The following SPECC1 variants were observed in gnomAD, a reference collection of about 807,000 sequenced individuals.
SPECC1 encodes cytospin-B.
A neutral mutation model predicts 104.1 loss-of-function variants in SPECC1; 62 were observed. The observed-to-expected ratio is 0.60, with a 90% CI of 0.49 to 0.74. The LOEUF is 0.74. Ranked by LOEUF, SPECC1 falls within the 30% of genes least tolerant of loss-of-function variation. SPECC1 has a pLI of 0.00. For missense variants in SPECC1, 1,306 were observed against 1,310.5 expected (o/e 1.00, Z 0.05); for synonymous variants, 513 against 501.6 (o/e 1.02, Z -0.30).
At chr17:20,019,385 G>GA (rs896383189) in intron 1 of SPECC1, among the ~76,000 whole-genome samples, 1 of 152,022 alleles carries the variant, frequency 6.6e-6, no homozygotes, top group Non-Finnish European at 1.5e-5. Context: ...AGATGGTCAT[G>GA]AATTTTTTTG....
chr17:20,159,060 C>T (rs1322678165), intron 3 of SPECC1, among the ~76,000 whole-genome samples: 1 of 151,648 alleles, frequency 6.6e-6, no homozygotes, highest in Non-Finnish European at 1.5e-5. Context: ...TGGGTTAAAG[C>T]GATCCTCCCG....
chr17:20,303,798 C>A (rs973881607), intron 13 of SPECC1, among the ~76,000 whole-genome samples: 1 of 151,836 alleles, frequency 6.6e-6, no homozygotes. Context: ...ACTAAAAATA[C>A]AAAAATTAGC....
Position 20,060,199 on chromosome 17 carries a change from C to T in SPECC1, c.-21-36432C>T, listed in dbSNP as rs1003291864. 2.0e-5 allele frequency among the ~76,000 whole-genome samples: 3 copies of T among 152,062 alleles called. No homozygotes were observed. In the South Asian group the frequency reaches 6.2e-4, roughly 32 times the overall value. On this transcript the variant is annotated intron_variant, in intron 1 of 14. Transcript: ENST00000395527. ...ACGCCTCTATAGTTGTGGTCTTTTC[C>T]TTTTGGTAATGAAGTGCATCAGTTT...
intron 12 of SPECC1, among the ~76,000 whole-genome samples, chr17:20,294,938 C>T (rs1159828995): frequency 6.6e-6 from 1 of 152,086 alleles, no homozygotes; most frequent in Admixed American, 6.5e-5. Flanking sequence ...GGTACCAAAA[C>T]AAAATGTACT....
chr17:20,037,988 G>C (rs1956532890), intron 1 of SPECC1, among the ~76,000 whole-genome samples: 1 of 152,064 alleles, frequency 6.6e-6, no homozygotes, highest in African/African-American at 2.4e-5. Context: ...TGGGTGAGTT[G>C]TGGTAATTTG....
chr17:20,232,151 A>C (rs567396609), intron 6 of SPECC1, 49 bp from the exon 7 acceptor site: 27 of 1,599,522 alleles, frequency 1.7e-5, no homozygotes, highest in Admixed American at 3.3e-5. Context: ...CTGCCCAGGC[A>C]CTGGCCCTGG....
At chr17:20,020,368 C>T (rs2044326117) in intron 1 of SPECC1, among the ~76,000 whole-genome samples, 1 of 151,636 alleles carries the variant, frequency 6.6e-6, no homozygotes, top group Non-Finnish European at 1.5e-5. Context: ...CAGAGTCTTA[C>T]TCTGTCACCC....
Position 20,313,977 on chromosome 17 carries a change from A to G in SPECC1, c.3119A>G (p.Glu1040Gly). Reference sequence around the variant, plus strand: ...GTCCCCCATTCCCTTCCCCTGCAGGAACTCAGCGAGATGCTGTACACAGAC... The same window carrying G: ...GTCCCCCATTCCCTTCCCCTGCAGGGACTCAGCGAGATGCTGTACACAGAC... The part of the protein sequence containing the change: ...AESVGIKPSL[E>G]LSEMLYTDRP... The change falls in exon 15 of 15, where the codon GAA (glutamate) becomes GGA (glycine). Residue 1040 changes from glutamate to glycine, a missense_variant and splice_region_variant. Glu to Gly is a moderately conservative substitution (Grantham distance 98). Transcript: ENST00000395527. 6.2e-7 allele frequency: 1 copy of G among 1,614,098 alleles called. No homozygotes were observed. Among genetic ancestry groups the G allele is most frequent in the Non-Finnish European group, 8.5e-7 (1 of 1,179,996 alleles).
intron 2 of SPECC1, among the ~76,000 whole-genome samples, chr17:20,109,567 C>T (rs185489776): frequency 6.6e-6 from 1 of 152,308 alleles, no homozygotes; most frequent in East Asian, 1.9e-4. Flanking sequence ...AAAGCAAAGC[C>T]AGAACAGAGG....
chr17:20,082,292 C>G (rs2047004825), intron 1 of SPECC1, among the ~76,000 whole-genome samples: 1 of 152,122 alleles, frequency 6.6e-6, no homozygotes, highest in African/African-American at 2.4e-5. Context: ...AGGTCTTAAA[C>G]AAAAGACATT....
At chr17:20,273,944 G>A (rs900635838) in intron 12 of SPECC1, among the ~76,000 whole-genome samples, 4 of 152,158 alleles carry the variant, frequency 2.6e-5, no homozygotes, top group Admixed American at 1.3e-4. Context: ...ACGAGGGGGT[G>A]AGATTGTGAA....
Position 20,260,178 on chromosome 17 carries a change from T to C in SPECC1, c.2838-14T>C, listed in dbSNP as rs779768407. 1.1e-5 allele frequency: 18 copies of C among 1,606,592 alleles called. No homozygotes were observed. Among genetic ancestry groups the C allele is most frequent in the Non-Finnish European group, 1.0e-5 (12 of 1,174,858 alleles). Reference sequence around the variant, plus strand: ...AGCATCTTCTCCTTACCATGTGCTCTTCTTTCTAACCAGTGTGGAAAGAAA... The same window carrying C: ...AGCATCTTCTCCTTACCATGTGCTCCTCTTTCTAACCAGTGTGGAAAGAAA... On this transcript the variant is annotated splice_polypyrimidine_tract_variant and intron_variant, in intron 11 of 14. Coordinates refer to ENST00000395527, the MANE Select transcript of SPECC1 (RefSeq NM_001243439.2).
At chr17:20,140,012 C>G (rs2030568835) in intron 3 of SPECC1, among the ~76,000 whole-genome samples, 1 of 152,098 alleles carries the variant, frequency 6.6e-6, no homozygotes, top group Non-Finnish European at 1.5e-5. Flanking sequence ...CTGACTTCAC[C>G]CAACACAGCA....
chr17:20,022,806 C>A (rs1452546345), intron 1 of SPECC1, among the ~76,000 whole-genome samples: 1 of 152,160 alleles, frequency 6.6e-6, no homozygotes, highest in Non-Finnish European at 1.5e-5. Flanking sequence ...GATAAACAAG[C>A]ATGGTGATGA....
intron 12 of SPECC1, among the ~76,000 whole-genome samples, chr17:20,288,388 A>G (rs1003050165): frequency 6.6e-6 from 1 of 152,254 alleles, no homozygotes; most frequent in Non-Finnish European, 1.5e-5. Context: ...TTTAGAAGAA[A>G]AAAAAACAAC....
Position 20,020,937 on chromosome 17 carries a change from C to T in SPECC1, c.-22+11513C>T, listed in dbSNP as rs540984446. ...TGTGTATAACTTTTGACTCCCAAAA[C>T]TTAACTACTGACAGCCTACTGTTGA... On this transcript the variant is annotated intron_variant, in intron 1 of 14. Transcript: ENST00000395527. Among the ~76,000 whole-genome samples the T allele has an allele frequency of 3.3e-5, 5 of 152,314 alleles. No homozygotes were observed. In the East Asian group the frequency reaches 7.7e-4, roughly 23 times the overall value.
chr17:20,051,658 A>T (rs951442623), intron 1 of SPECC1, among the ~76,000 whole-genome samples: 2 of 152,078 alleles, frequency 1.3e-5, no homozygotes, highest in East Asian at 3.9e-4. Flanking sequence ...ACAGCGTTTT[A>T]GGTACTGATA....
At chr17:20,135,312 C>G (rs1209062417) in intron 3 of SPECC1, among the ~76,000 whole-genome samples, 1 of 152,162 alleles carries the variant, frequency 6.6e-6, no homozygotes, top group Non-Finnish European at 1.5e-5. Flanking sequence ...TGGAATCTTG[C>G]TGGGATTTTG....
intron 1 of SPECC1, among the ~76,000 whole-genome samples, chr17:20,080,625 C>T (rs560730426): frequency 7.2e-5 from 11 of 152,060 alleles, no homozygotes; most frequent in African/African-American, 2.4e-4. Flanking sequence ...ATGAGACTCT[C>T]GTGGGGAGGG....
Sources: gnomAD v4.1 joint callset for allele counts (sites outside exome capture counted in the v4.1 genomes callset) on GRCh38, gnomAD v4.1.1 for gene constraint, MANE v1.5 for transcripts, NCBI Gene and HGNC (gene_info 2026-07-23, HGNC 2026-07-21) for gene names.